Variants in VWA5B1 observed in about 807,000 individuals in gnomAD.
VWA5B1 encodes von Willebrand factor A domain-containing protein 5B1.
In VWA5B1, 115 loss-of-function variants were observed where a neutral mutation model predicts 118.2. The ratio of observed to expected loss-of-function variants is 0.97; its 90% CI spans 0.84 to 1.14. VWA5B1 has a LOEUF of 1.14. Ranked by LOEUF, VWA5B1 falls within the 50% of genes most tolerant of loss-of-function variation. The pLI is 0.00. For synonymous variants in VWA5B1, 682 were observed against 658.4 expected (o/e 1.04, Z -0.55); for missense variants, 1,596 against 1,603.8 (o/e 1.00, Z 0.08).
In VWA5B1 at chr1:20,337,727, C is replaced by T; in HGVS notation, c.2024C>T (p.Ala675Val). 6.4e-7 allele frequency: 1 copy of T among 1,551,770 alleles called. No homozygotes were observed. The highest frequency in any genetic ancestry group is 8.7e-7 in the Non-Finnish European group (1 of 1,147,016). Residue 675 changes from alanine (A) to valine (V), a missense_variant, in exon 14 of 22, where the codon GCA (alanine) becomes GTA (valine). By Grantham distance (64) the Ala-to-Val change is moderately conservative. Coordinates refer to ENST00000289815, the MANE Select transcript of VWA5B1 (RefSeq NM_001039500.3). ...AAGCCCCTCCCAAGAGCCACCATGG[C>T]AAGTGACCCCATGCCAGCTGCCAAG... is the stretch of plus-strand genomic sequence containing the variant. ...NHKPLPRATMASDPMPAAKRY... is the reference protein window; with the variant it reads ...NHKPLPRATMVSDPMPAAKRY...
At chr1:20,307,665 G>T (rs907287230) in intron 1 of VWA5B1, among the ~76,000 whole-genome samples, 2 of 151,904 alleles carry the variant, frequency 1.3e-5, no homozygotes, top group Non-Finnish European at 2.9e-5. Context: ...ATGTGGGCTG[G>T]GTCTCATCTT....
intron 20 of VWA5B1, 59 bp downstream of exon 20, chr1:20,350,985 C>T: frequency 6.6e-7 from 1 of 1,513,588 alleles, no homozygotes; most frequent in Non-Finnish European, 9.0e-7. Context: ...TGGGGTGGTC[C>T]CTGGGGTTTT....
intron 12 of VWA5B1, among the ~76,000 whole-genome samples, chr1:20,334,649 G>A (rs2089664173): frequency 6.6e-6 from 1 of 151,668 alleles, no homozygotes; most frequent in Non-Finnish European, 1.5e-5. Context: ...CATCTCTACT[G>A]AAAATACAAA....
intron 4 of VWA5B1, among the ~76,000 whole-genome samples, chr1:20,316,778 G>A (rs747580446): frequency 1.9e-4 from 29 of 152,120 alleles, no homozygotes; most frequent in Non-Finnish European, 1.3e-4. Context: ...GAAATGACTC[G>A]CAGGGCTTGC....
At chr1:20,330,754 G>T in intron 10 of VWA5B1, 115 bp from the exon 11 acceptor site, 1 of 1,073,138 alleles carries the variant, frequency 9.3e-7, no homozygotes, top group Non-Finnish European at 1.4e-6. Flanking sequence ...CCCTCTACCT[G>T]AATATAGGGC....
chr1:20,358,012 G>A lies in VWA5B1; in HGVS notation c.*3749G>A, dbSNP rs901356857. 1.6e-4 allele frequency among the ~76,000 whole-genome samples: 25 copies of A among 152,106 alleles called. No homozygotes were observed. Among genetic ancestry groups the A allele is most frequent in the African/African-American group, 5.1e-4 (21 of 41,396 alleles). ...AACCCTGTCTCAGGCCCCTCAGCTC[G>A]AGACCAACTCCAGATGCCAGGATAA... On this transcript the variant is annotated 3_prime_UTR_variant, in exon 22 of 22. Transcript: ENST00000289815.
chr1:20,352,270 G>A, intron 21 of VWA5B1, 98 bp downstream of exon 21: 2 of 936,996 alleles, frequency 2.1e-6, no homozygotes, highest in Non-Finnish European at 3.2e-6. Context: ...TCCTCAAAGA[G>A]AAGAAGGCTT....
chr1:20,297,687 T>G (rs1176736802), intron 1 of VWA5B1, among the ~76,000 whole-genome samples: 1 of 152,218 alleles, frequency 6.6e-6, no homozygotes, highest in East Asian at 1.9e-4. Flanking sequence ...TAGCACTCAG[T>G]GCTGACCAGC....
intron 17 of VWA5B1, 47 bp from the exon 18 acceptor site, chr1:20,348,198 T>C (rs1325058874): frequency 2.7e-6 from 4 of 1,507,322 alleles, no homozygotes; most frequent in Non-Finnish European, 3.6e-6. Flanking sequence ...GGCAAAGGAC[T>C]GGCACATTTG....
At chr1:20,340,734 A>T (rs938627908) in intron 14 of VWA5B1, among the ~76,000 whole-genome samples, 39 of 152,318 alleles carry the variant, frequency 2.6e-4, no homozygotes, top group Middle Eastern at 3.4e-3. Context: ...AAACCCTCAA[A>T]CAATTCAGTC....
At chr1:20,296,883 A>G (rs1206767034) in intron 1 of VWA5B1, among the ~76,000 whole-genome samples, 1 of 152,208 alleles carries the variant, frequency 6.6e-6, no homozygotes, top group Admixed American at 6.5e-5. Flanking sequence ...ATGAGTGTTT[A>G]ATGCTTGTAG....
chr1:20,328,039 A>G, intron 9 of VWA5B1, 39 bp downstream of exon 9: 1 of 1,529,502 alleles, frequency 6.5e-7, no homozygotes, highest in Non-Finnish European at 8.9e-7. Flanking sequence ...AGGGTGGTGC[A>G]TGGTGGGGAG....
At chr1:20,334,046 C>T (rs147722029) in intron 12 of VWA5B1, among the ~76,000 whole-genome samples, 12 of 152,342 alleles carry the variant, frequency 7.9e-5, no homozygotes, top group Middle Eastern at 3.4e-3. Flanking sequence ...GGATGGCACA[C>T]GCCCTGGCTA....
Position 20,317,672 on chromosome 1 carries a change from G to T in VWA5B1, c.706G>T (p.Ala236Ser). 1 of 1,550,758 alleles carries T rather than the reference G, an allele frequency of 6.4e-7. No individual in the cohort carries two copies. The highest frequency in any genetic ancestry group is 1.2e-5 in the South Asian group (1 of 83,880). The stretch of plus-strand genomic sequence containing the variant: ...GGAGATCCGTGGGCCATGTCTGCTC[G>T]CAGGTGAGAGGGAGACATCCAGACG... ...QLEIRGPCLLAGVESPTHEIR... is the reference protein window; with the variant it reads ...QLEIRGPCLLSGVESPTHEIR... The change falls in exon 5 of 22, where the codon GCA (alanine) becomes TCA (serine). Residue 236 changes from alanine to serine, a missense_variant. By Grantham distance (99) the Ala-to-Ser change is moderately conservative. Transcript: ENST00000289815.
chr1:20,333,504 G>A (rs1280596935), intron 12 of VWA5B1, among the ~76,000 whole-genome samples: 1 of 152,198 alleles, frequency 6.6e-6, no homozygotes, highest in Non-Finnish European at 1.5e-5. Flanking sequence ...CAGAGCCCTA[G>A]CTTCCACCCA....
chr1:20,309,651 G>A (rs867203547), intron 1 of VWA5B1, among the ~76,000 whole-genome samples: 4 of 152,230 alleles, frequency 2.6e-5, no homozygotes, highest in Non-Finnish European at 4.4e-5. Flanking sequence ...AAGAAGCAAG[G>A]GAACCCATTG....
chr1:20,352,231 C>G, intron 21 of VWA5B1, 59 bp downstream of exon 21: 1 of 1,282,352 alleles, frequency 7.8e-7, no homozygotes, highest in Non-Finnish European at 1.1e-6. Flanking sequence ...GCAGGGCCTT[C>G]CTGTGATCCC....
At chr1:20,309,856 G>A (rs565833509) in intron 1 of VWA5B1, among the ~76,000 whole-genome samples, 17 of 150,366 alleles carry the variant, frequency 1.1e-4, no homozygotes, top group African/African-American at 3.4e-4. Flanking sequence ...GGATGTGGAC[G>A]GATACAAGGG....
At chr1:20,292,372 C>T (rs547116986) in intron 1 of VWA5B1, among the ~76,000 whole-genome samples, 70 of 152,266 alleles carry the variant, frequency 4.6e-4, no homozygotes, top group African/African-American at 1.6e-3. Flanking sequence ...GGCCACGAGG[C>T]TCTGTGGTCA....
Sources: gnomAD v4.1 joint callset for allele counts (sites outside exome capture counted in the v4.1 genomes callset) on GRCh38, gnomAD v4.1.1 for gene constraint, MANE v1.5 for transcripts, NCBI Gene and HGNC (gene_info 2026-07-23, HGNC 2026-07-21) for gene names.